The following DCBLD2 variants were observed in gnomAD, a reference collection of about 807,000 sequenced individuals.
DCBLD2 encodes discoidin, CUB and LCCL domain containing 2.
Under a neutral mutation model 86.8 loss-of-function variants are expected in DCBLD2, and 54 were observed. The observed-to-expected ratio is 0.62, with a 90% CI of 0.50 to 0.78. The LOEUF is 0.78. Among genes scored for constraint, DCBLD2 ranks in the 30% least tolerant of loss-of-function variants. The pLI is 0.00. For missense variants in DCBLD2, 908 were observed against 954.2 expected (o/e 0.95, Z 0.64); for synonymous variants, 354 against 341.3 (o/e 1.04, Z -0.41).
Position 98,820,299 on chromosome 3 carries a change from G to A in DCBLD2, c.831-11C>T, listed in dbSNP as rs1323068007. ...GTAGATAAGTGTCCCCTGAAAGAGA[G>A]AAGGGTTTTTTTTGGTGATACTCAC... On this transcript the variant is annotated splice_polypyrimidine_tract_variant and intron_variant, in intron 6 of 15. Coordinates refer to ENST00000326840, the MANE Select transcript of DCBLD2 (RefSeq NM_080927.4). 1 of 1,460,424 alleles carries A rather than the reference G, an allele frequency of 6.8e-7. No individual in the cohort carries two copies. Among genetic ancestry groups the A allele is most frequent in the East Asian group, 2.5e-5 (1 of 39,454 alleles). 90.5% of individuals were successfully genotyped at this position (1,460,424 alleles called of 1,614,324 possible).
intron 1 of DCBLD2, among the ~76,000 whole-genome samples, chr3:98,897,979 C>T (rs1206167366): frequency 6.6e-6 from 1 of 151,950 alleles, no homozygotes; most frequent in East Asian, 1.9e-4. Context: ...AGCAAATATG[C>T]TACCAGCATA....
chr3:98,853,382 C>CTGTCCCCTT (rs1312870834), intron 2 of DCBLD2, among the ~76,000 whole-genome samples: 3 of 152,218 alleles, frequency 2.0e-5, no homozygotes, highest in Non-Finnish European at 4.4e-5. Flanking sequence ...TAAGTAGCAG[C>CTGTCCCCTT]TGTCCCCTTT....
chr3:98,806,876 G>A (rs1413118259), intron 13 of DCBLD2, among the ~76,000 whole-genome samples: 1 of 152,008 alleles, frequency 6.6e-6, no homozygotes, highest in Non-Finnish European at 1.5e-5. Flanking sequence ...CAATGCTACT[G>A]GGAAACATCT....
intron 2 of DCBLD2, among the ~76,000 whole-genome samples, chr3:98,869,536 C>T (rs1943220763): frequency 6.6e-6 from 1 of 152,248 alleles, no homozygotes; most frequent in South Asian, 2.1e-4. Flanking sequence ...TTTCCTAGGG[C>T]TTCTTCTAAA....
At chr3:98,862,325 T>C (rs978215574) in intron 2 of DCBLD2, among the ~76,000 whole-genome samples, 1 of 152,200 alleles carries the variant, frequency 6.6e-6, no homozygotes, top group Admixed American at 6.5e-5. Context: ...TCTGAAAGTA[T>C]TCCAATCAAT....
chr3:98,872,775 TAAAAA>T (rs1019295683), intron 2 of DCBLD2, among the ~76,000 whole-genome samples: 1 of 151,194 alleles, frequency 6.6e-6, no homozygotes, highest in Non-Finnish European at 1.5e-5. Flanking sequence ...AAAAGACACT[TAAAAA>T]AAACCAGAAG....
intron 1 of DCBLD2, among the ~76,000 whole-genome samples, chr3:98,887,231 T>C (rs192323679): frequency 6.6e-6 from 1 of 152,004 alleles, no homozygotes. Context: ...ATACTTGCTC[T>C]AAATAACTGT....
At chr3:98,799,930 C>A (rs1941686487) in intron 15 of DCBLD2, 89 bp from the exon 16 acceptor site, 1 of 1,116,384 alleles carries the variant, frequency 9.0e-7, no homozygotes, top group Non-Finnish European at 1.3e-6. Flanking sequence ...ATACTAAAAG[C>A]AAACATTCTT....
intron 3 of DCBLD2, among the ~76,000 whole-genome samples, chr3:98,832,965 T>A (rs1486380538): frequency 6.6e-6 from 1 of 152,226 alleles, no homozygotes; most frequent in Non-Finnish European, 1.5e-5. Context: ...GAATTTTGAC[T>A]GTTGGCCTCT....
chr3:98,840,755 C>T (rs548887002), intron 3 of DCBLD2, among the ~76,000 whole-genome samples: 13 of 152,354 alleles, frequency 8.5e-5, no homozygotes, highest in Admixed American at 6.5e-4. Context: ...ACCTCCCAAA[C>T]TGTTGAGAAG....
intron 2 of DCBLD2, among the ~76,000 whole-genome samples, chr3:98,870,818 G>T (rs905667925): frequency 1.2e-5 from 1 of 85,852 alleles, no homozygotes; most frequent in African/African-American, 4.4e-5. Context: ...AGAAAGGTAG[G>T]CAGGCATTGG....
Position 98,901,220 on chromosome 3 carries a change from AGGGAGC to A in DCBLD2, c.101_106del (p.Arg34_Ser35del). 2 of 1,535,294 alleles carry A rather than the reference AGGGAGC, an allele frequency of 1.3e-6. No homozygotes were observed. The highest frequency in any genetic ancestry group is 1.2e-5 in the South Asian group (1 of 83,990). On this transcript the variant is annotated inframe_deletion, in exon 1 of 16. Coordinates refer to ENST00000326840, the MANE Select transcript of DCBLD2 (RefSeq NM_080927.4). Reference sequence around the variant, plus strand: ...GGAGGAGGAGTTGGAGCAGGGAGGGAGGGAGCGGGAGAGGGGGAGCGCGGCCCAGGC... The same window carrying A: ...GGAGGAGGAGTTGGAGCAGGGAGGGAGGGAGAGGGGGAGCGCGGCCCAGGC...
intron 1 of DCBLD2, chr3:98,895,406 T>C (rs1439344141): frequency 6.6e-6 from 1 of 152,146 alleles, no homozygotes; most frequent in Non-Finnish European, 1.5e-5. Flanking sequence ...GGGCATGAGT[T>C]CAAGAAGCAA....
chr3:98,833,045 C>A (rs1421687837), intron 3 of DCBLD2, among the ~76,000 whole-genome samples: 2 of 152,182 alleles, frequency 1.3e-5, no homozygotes, highest in African/African-American at 2.4e-5. Context: ...TGCTTTCTCC[C>A]CATCCAATTC....
At chr3:98,869,032 A>C (rs1386924778) in intron 2 of DCBLD2, among the ~76,000 whole-genome samples, 2 of 152,104 alleles carry the variant, frequency 1.3e-5, no homozygotes, top group African/African-American at 4.8e-5. Flanking sequence ...TTCTTTGATA[A>C]ATTTCCATAC....
intron 2 of DCBLD2, among the ~76,000 whole-genome samples, chr3:98,880,426 T>C (rs909598508): frequency 6.6e-6 from 1 of 152,234 alleles, no homozygotes; most frequent in Admixed American, 6.5e-5. Flanking sequence ...TTACAAATTT[T>C]TCCACCTTTC....
chr3:98,830,602 A>G (rs922569761), intron 3 of DCBLD2, among the ~76,000 whole-genome samples: 3 of 152,246 alleles, frequency 2.0e-5, no homozygotes, highest in Admixed American at 6.5e-5. Flanking sequence ...CTACGCACCT[A>G]TTTCTGTACC....
intron 2 of DCBLD2, among the ~76,000 whole-genome samples, chr3:98,876,558 A>G (rs185076954): frequency 6.6e-6 from 1 of 152,230 alleles, no homozygotes; most frequent in East Asian, 1.9e-4. Context: ...AAAAGATATG[A>G]CAACACACTT....
At chr3:98,867,151 G>A (rs868343243) in intron 2 of DCBLD2, among the ~76,000 whole-genome samples, 14 of 152,158 alleles carry the variant, frequency 9.2e-5, no homozygotes, top group South Asian at 6.2e-4. Flanking sequence ...GATGCCTCCC[G>A]CTTTGTTCTT....
Sources: allele counts gnomAD v4.1 joint callset (sites outside exome capture counted in the v4.1 genomes callset), GRCh38; gene constraint gnomAD v4.1.1; transcripts MANE v1.5; gene names NCBI Gene and HGNC (gene_info 2026-07-23, HGNC 2026-07-21).